Variants in MBOAT2 observed in about 807,000 individuals in gnomAD.
The protein encoded by MBOAT2 is membrane bound glycerophospholipid O-acyltransferase 2.
MBOAT2 carries 28 observed loss-of-function variants against 63.4 expected under a neutral mutation model. The ratio of observed to expected loss-of-function variants is 0.44; its 90% CI spans 0.33 to 0.61. The LOEUF (loss-of-function observed/expected upper bound fraction) is 0.61. Among genes scored for constraint, MBOAT2 ranks in the 20% least tolerant of loss-of-function variants. The probability of loss-of-function intolerance (pLI) is 0.03; values close to 1 mark genes in which losing one functional copy is unlikely to be tolerated. For synonymous variants in MBOAT2, 211 were observed against 215.6 expected (o/e 0.98, Z 0.19); for missense variants, 470 against 605.8 (o/e 0.78, Z 2.35).
chr2:8,959,170 C>G (rs1270599760), intron 1 of MBOAT2, among the ~76,000 whole-genome samples: 1 of 152,160 alleles, frequency 6.6e-6, no homozygotes, highest in Non-Finnish European at 1.5e-5. Context: ...TCTACTGCGG[C>G]CTAAACATCA....
At chr2:8,890,617 T>C (rs2148554937) in intron 4 of MBOAT2, among the ~76,000 whole-genome samples, 1 of 152,302 alleles carries the variant, frequency 6.6e-6, no homozygotes, top group Admixed American at 6.5e-5. Flanking sequence ...CCTTCTGGGC[T>C]CAAGTGATCC....
At chr2:8,869,075 G>T (rs997884195) in intron 8 of MBOAT2, among the ~76,000 whole-genome samples, 2 of 152,038 alleles carry the variant, frequency 1.3e-5, no homozygotes. Context: ...TAGAGACAGG[G>T]TCTCCCTGTG....
chr2:8,920,382 A>G (rs1162373153), intron 3 of MBOAT2, among the ~76,000 whole-genome samples: 1 of 152,214 alleles, frequency 6.6e-6, no homozygotes, highest in African/African-American at 2.4e-5. Flanking sequence ...ATTTTGTTGC[A>G]ATGATTTATA....
At chr2:8,888,418 T>C (rs1663723529) in intron 4 of MBOAT2, among the ~76,000 whole-genome samples, 2 of 152,146 alleles carry the variant, frequency 1.3e-5, no homozygotes, top group Non-Finnish European at 2.9e-5. Flanking sequence ...AGGCATGAGA[T>C]GTGGCCCCAG....
chr2:8,894,826 C>T (rs1664309220), intron 4 of MBOAT2, among the ~76,000 whole-genome samples: 1 of 152,226 alleles, frequency 6.6e-6, no homozygotes, highest in Admixed American at 6.5e-5. Context: ...AGTGAAGCTG[C>T]AGACCTTCAC....
intron 5 of MBOAT2, 76 bp from the exon 6 acceptor site, chr2:8,882,641 T>TACTTTCCTC: frequency 7.9e-7 from 1 of 1,271,000 alleles, no homozygotes; most frequent in Non-Finnish European, 1.1e-6. Context: ...ACACTTTCAT[T>TACTTTCCTC]ACTTTCCTCA....
intron 4 of MBOAT2, among the ~76,000 whole-genome samples, chr2:8,896,505 TC>T (rs1664487362): frequency 6.6e-6 from 1 of 152,160 alleles, no homozygotes; most frequent in African/African-American, 2.4e-5. Flanking sequence ...GTCTGAGAAA[TC>T]CTTTGAGAGT....
intron 4 of MBOAT2, among the ~76,000 whole-genome samples, chr2:8,901,020 AACCAC>A (rs1664881045): frequency 6.6e-6 from 1 of 152,136 alleles, no homozygotes. Flanking sequence ...TGAAAGACAA[AACCAC>A]CCATGGTTTT....
rs1434549608 is a variant in MBOAT2, at chr2:8,868,514, T to C, written c.919A>G (p.Arg307Gly). The C allele has an allele frequency of 1.2e-6, 2 of 1,614,026 alleles. No individual in the cohort carries two copies. Among genetic ancestry groups the C allele is most frequent in the Admixed American group, 1.7e-5 (1 of 59,998 alleles). The change falls in exon 9 of 13, where the codon AGA (arginine) becomes GGA (glycine). Residue 307 changes from arginine (R) to glycine (G), a missense_variant. Arg to Gly is a moderately radical substitution (Grantham distance 125). Around this residue, in one of 3 missense-constraint regions of MBOAT2, gnomAD observed 376 missense variants for 503.8 expected, o/e 0.75. Transcript: ENST00000305997. ...GCTGCTCCATTTTCGTCATACCCTC[T>C]GAAACCAAAGCCTGCAGCATTATTA... is the stretch of plus-strand genomic sequence containing the variant. ...AINNAAGFGF[R>G]GYDENGAARW...
intron 4 of MBOAT2, among the ~76,000 whole-genome samples, chr2:8,896,587 T>G (rs1664495025): frequency 6.6e-6 from 1 of 152,210 alleles, no homozygotes. Flanking sequence ...AAAACCTTGT[T>G]AAGTTTGGGA....
Position 8,871,254 on chromosome 2 carries a change from T to C in MBOAT2, c.883+1854A>G, listed in dbSNP as rs1382733316. On this transcript the variant is annotated intron_variant, in intron 8 of 12. Coordinates refer to ENST00000305997, the MANE Select transcript of MBOAT2 (RefSeq NM_138799.4). ...TTCAAGTCATCCTCCTTCCTCAGCC[T>C]CCCAACATGCTGGGATTACAGGTAT... Among the ~76,000 whole-genome samples the C allele has an allele frequency of 2.0e-5, 3 of 152,128 alleles. No homozygotes were observed. The East Asian group carries it at 5.8e-4, about 29-fold the overall frequency.
intron 3 of MBOAT2, among the ~76,000 whole-genome samples, chr2:8,926,123 G>A (rs1465687396): frequency 1.3e-5 from 2 of 152,032 alleles, no homozygotes; most frequent in East Asian, 3.9e-4. Context: ...TTGTTTGTTT[G>A]TTTTGTTTTG....
intron 7 of MBOAT2, among the ~76,000 whole-genome samples, chr2:8,874,333 A>C (rs1382994828): frequency 6.6e-6 from 1 of 152,170 alleles, no homozygotes; most frequent in African/African-American, 2.4e-5. Flanking sequence ...CCTTTCTTTA[A>C]TAAAATAAGG....
chr2:8,943,985 T>G (rs190228783), intron 2 of MBOAT2, among the ~76,000 whole-genome samples: 4 of 152,224 alleles, frequency 2.6e-5, no homozygotes, highest in Non-Finnish European at 5.9e-5. Context: ...TGCCTCAGCC[T>G]CCCGAGTAGC....
chr2:8,939,734 A>G (rs1298503785), intron 3 of MBOAT2, among the ~76,000 whole-genome samples: 2 of 152,122 alleles, frequency 1.3e-5, no homozygotes, highest in African/African-American at 4.8e-5. Context: ...CCCTGGAGCA[A>G]TCTTCAAGCA....
At chr2:8,952,671 A>C (rs932164862) in intron 2 of MBOAT2, among the ~76,000 whole-genome samples, 4 of 151,378 alleles carry the variant, frequency 2.6e-5, no homozygotes, top group African/African-American at 9.7e-5. Context: ...ATTTTATGTA[A>C]TTTTATCCAG....
At chr2:8,926,606 G>A (rs1666950633) in intron 3 of MBOAT2, among the ~76,000 whole-genome samples, 1 of 152,214 alleles carries the variant, frequency 6.6e-6, no homozygotes, top group Admixed American at 6.5e-5. Context: ...CTCAGTCGAG[G>A]AGCGAGTGCT....
chr2:8,867,091 T>A (rs775473568), intron 9 of MBOAT2, among the ~76,000 whole-genome samples: 7 of 152,188 alleles, frequency 4.6e-5, no homozygotes, highest in Non-Finnish European at 1.0e-4. Context: ...TTTTGCTGTG[T>A]CACCCAGGCT....
At position 8,862,574 on chromosome 2, in the gene MBOAT2, A is replaced by G; in HGVS notation, c.1185+16T>C. ...AGTGGACCATTGAATTGTAAAATAA[A>G]ATTCTTGATACTTACAGCTCTTGCT... is the stretch of plus-strand genomic sequence containing the variant. On this transcript the variant is annotated intron_variant, in intron 11 of 12. Coordinates refer to ENST00000305997, the MANE Select transcript of MBOAT2 (RefSeq NM_138799.4). The surrounding 1 kb of genome is among the most constrained non-coding windows in gnomAD (Gnocchi z 4.3). 1 of 1,601,896 alleles carries G rather than the reference A, an allele frequency of 6.2e-7. No homozygotes were observed. The highest frequency in any genetic ancestry group is 1.7e-4 in the Middle Eastern group (1 of 5,974).
Sources: gnomAD v4.1 joint callset for allele counts (sites outside exome capture counted in the v4.1 genomes callset) on GRCh38, gnomAD v4.1.1 for gene constraint, gnomAD v4.1.1 regional missense constraint, Gnocchi (gnomAD v3.1) non-coding constraint, MANE v1.5 for transcripts, NCBI Gene and HGNC (gene_info 2026-07-23, HGNC 2026-07-21) for gene names.